Variants in ZNF646 observed in about 807,000 individuals in gnomAD.
ZNF646 encodes the protein zinc finger protein 646.
In ZNF646, 49 loss-of-function variants were observed where a neutral mutation model predicts 115.4. The ratio of observed to expected loss-of-function variants is 0.42; its 90% CI spans 0.34 to 0.54. ZNF646 has a LOEUF of 0.54. ZNF646 is among the 20% of genes least tolerant of loss of function. ZNF646 has a pLI of 0.04. For synonymous variants in ZNF646, 933 were observed against 939.0 expected (o/e 0.99, Z 0.12); for missense variants, 2,269 against 2,457.9 (o/e 0.92, Z 1.62).
Position 31,079,198 on chromosome 16 carries a change from C to T in ZNF646, c.2874C>T (p.His958=), listed in dbSNP as rs1228941900. 1.2e-6 allele frequency: 2 copies of T among 1,613,648 alleles called. No individual in the cohort carries two copies. Among genetic ancestry groups the T allele is most frequent in the South Asian group, 1.1e-5 (1 of 91,086 alleles). The change falls in exon 2 of 3, where the codon CAC becomes CAT. Residue 958 remains histidine (H), a synonymous_variant. Transcript: ENST00000300850. This position sits in a 1 kb window ranked among gnomAD's most constrained non-coding sequence, Gnocchi z 5.5. ...VEALDSAGYG[H]ICGCCGQTYD... ...CGCTGGACAGTGCAGGGTATGGGCA[C>T]ATCTGTGGCTGCTGTGGTCAGACCT...
At position 31,076,826 on chromosome 16, in the gene ZNF646, A is replaced by G; in HGVS notation, c.502A>G (p.Thr168Ala). 1 of 1,614,124 alleles carries G rather than the reference A, an allele frequency of 6.2e-7. No homozygotes were observed. Among genetic ancestry groups the G allele is most frequent in the Non-Finnish European group, 8.5e-7 (1 of 1,180,024 alleles). ...AASGTWEDLP[T>A]RQREGLASHP... is the part of the protein sequence containing the mutation. The stretch of plus-strand genomic sequence containing the variant: ...TTCGGGTACGTGGGAAGATCTGCCC[A>G]CCAGACAAAGAGAAGGCTTGGCAAG... The change falls in exon 2 of 3, where the codon ACC becomes GCC. Residue 168 changes from threonine to alanine, a missense_variant. This residue lies in a region of ZNF646 where 334 missense variants were observed against 323.5 expected (regional missense o/e 1.03). Transcript: ENST00000300850.
At chr16:31,081,749 G>C in intron 2 of ZNF646, 48 bp downstream of exon 2, 1 of 1,507,274 alleles carries the variant, frequency 6.6e-7, no homozygotes, top group Non-Finnish European at 8.9e-7. Context: ...ACAGTGGAGG[G>C]GGAAGTCCAG....
rs370035952 is a variant in ZNF646, at chr16:31,081,308, G to A, written c.4984G>A (p.Gly1662Arg). The change falls in exon 2 of 3, where the codon GGA becomes AGA. Residue 1662 changes from glycine to arginine, a missense_variant. Transcript: ENST00000300850. ...AGAGAGTGTGGAGAGAGCCAGGGGA[G>A]GACAAGCGGTGACGTCCATGGCGGC... is the stretch of plus-strand genomic sequence containing the variant. ...PGESVERARG[G>R]QAVTSMAAED... 18 of 1,613,708 alleles carry A rather than the reference G, an allele frequency of 1.1e-5. 1 individual carries two copies. The African/African-American group carries it at 1.3e-4, about 12-fold the overall frequency.
chr16:31,078,091 C>T lies in ZNF646; in HGVS notation c.1767C>T (p.Ser589=), dbSNP rs763683854. The part of the protein sequence containing the change: ...ICGLLFEDAE[S]LERHGLTHGA... ...GGCTGCTCTTTGAAGACGCTGAGAG[C>T]CTTGAACGTCATGGCCTGACTCATG... Residue 589 remains serine, a synonymous_variant, in exon 2 of 3, where the codon AGC becomes AGT. Coordinates refer to ENST00000300850, the MANE Select transcript of ZNF646 (RefSeq NM_014699.4). 1.2e-6 allele frequency: 2 copies of T among 1,614,184 alleles called. No homozygotes were observed. The highest frequency in any genetic ancestry group is 4.5e-5 in the East Asian group (2 of 44,890).
chr16:31,080,285 C>A lies in ZNF646; in HGVS notation c.3961C>A (p.His1321Asn). 6.2e-7 allele frequency: 1 copy of A among 1,612,964 alleles called. No homozygotes were observed. The highest frequency in any genetic ancestry group is 8.5e-7 in the Non-Finnish European group (1 of 1,179,786). The change falls in exon 2 of 3, where the codon CAC becomes AAC. Residue 1321 changes from histidine to asparagine, a missense_variant. Physicochemically the swap from His to Asn is moderately conservative, Grantham distance 68 (BLOSUM62 1). Coordinates refer to ENST00000300850, the MANE Select transcript of ZNF646 (RefSeq NM_014699.4). ...CAGCCTCCTGAACCACCGGCGCAGC[C>A]ACGAGACGGGCCAGTACAGCTGCCC... ...AGSLLNHRRS[H>N]ETGQYSCPTC...
chr16:31,083,539 G>C lies in ZNF646; in HGVS notation c.*447G>C. 1 of 1,419,702 alleles carries C rather than the reference G, an allele frequency of 7.0e-7. No homozygotes were observed. Among genetic ancestry groups the C allele is most frequent in the Non-Finnish European group, 9.2e-7 (1 of 1,083,774 alleles). The allele number at this position is 1,419,702 out of a possible 1,614,324, so 87.9% of individuals were successfully genotyped here. A position where few individuals can be genotyped will look rare whatever the true frequency, so the allele number is the denominator to read the frequency against. ...GTGGCTGGCGTGATTGTATCTGAAA[G>C]GGTAAAGGAGGAGGAAAGCTGAGAC... On this transcript the variant is annotated 3_prime_UTR_variant, in exon 3 of 3. Coordinates refer to ENST00000300850, the MANE Select transcript of ZNF646 (RefSeq NM_014699.4).
In ZNF646 at chr16:31,077,243, C is replaced by G; in HGVS notation, c.919C>G (p.Arg307Gly). The change falls in exon 2 of 3, where the codon CGG becomes GGG. Residue 307 changes from arginine to glycine, a missense_variant. By Grantham distance (125) the Arg-to-Gly change is moderately radical (BLOSUM62 -2). Coordinates refer to ENST00000300850, the MANE Select transcript of ZNF646 (RefSeq NM_014699.4). ...PHCPRVFRLP[R>G]ELLEHQQSHE... ...CTGCCCCCGTGTCTTCCGGCTCCCC[C>G]GGGAGCTGCTGGAACACCAGCAGTC... is the stretch of plus-strand genomic sequence containing the variant. 3.1e-6 allele frequency: 5 copies of G among 1,614,116 alleles called. No individual in the cohort carries two copies. Among genetic ancestry groups the G allele is most frequent in the South Asian group, 2.2e-5 (2 of 91,086 alleles).
At position 31,078,537 on chromosome 16, in the gene ZNF646, A is replaced by G. The variant is rs762683539; in HGVS notation, c.2213A>G (p.Lys738Arg). The G allele has an allele frequency of 5.1e-5, 81 of 1,599,790 alleles. No individual in the cohort carries two copies. Among genetic ancestry groups the G allele is most frequent in the Non-Finnish European group, 6.9e-5 (81 of 1,170,640 alleles). Residue 738 changes from lysine (K) to arginine (R), a missense_variant, in exon 2 of 3, where the codon AAA becomes AGA. Physicochemically the swap from Lys to Arg is conservative, Grantham distance 26. Coordinates refer to ENST00000300850, the MANE Select transcript of ZNF646 (RefSeq NM_014699.4). Reference sequence around the variant, plus strand: ...TTGCAGGCTGAATCTGAAGGGGACAAATGTGGGCTTGAGAGGGATGAGACC... The same window carrying G: ...TTGCAGGCTGAATCTGAAGGGGACAGATGTGGGCTTGAGAGGGATGAGACC... ...DCLQAESEGD[K>R]CGLERDETHF... is the part of the protein sequence containing the mutation.
At position 31,079,103 on chromosome 16, in the gene ZNF646, C is replaced by G; in HGVS notation, c.2779C>G (p.Pro927Ala). The change falls in exon 2 of 3, where the codon CCT (proline) becomes GCT (alanine). Residue 927 changes from proline (P) to alanine (A), a missense_variant. This residue lies in a region of ZNF646 where 852 missense variants were observed against 900.2 expected (regional missense o/e 0.95). Coordinates refer to ENST00000300850, the MANE Select transcript of ZNF646 (RefSeq NM_014699.4). The surrounding 1 kb of genome is among the most constrained non-coding windows in gnomAD (Gnocchi z 5.5). ...AGAGGAAGGAGTGGCAGAGGCAGCC[C>G]CTGCACGCAGTCCACCACTGCAGCT... is the stretch of plus-strand genomic sequence containing the variant. Reference protein sequence around the residue: ...GEEEGVAEAAPARSPPLQLSE... With the variant: ...GEEEGVAEAAAARSPPLQLSE... 1.3e-6 allele frequency: 2 copies of G among 1,583,486 alleles called. No homozygotes were observed. The highest frequency in any genetic ancestry group is 1.7e-6 in the Non-Finnish European group (2 of 1,161,804).
Position 31,078,847 on chromosome 16 carries a change from C to G in ZNF646, c.2523C>G (p.Pro841=). ...CCACTGGCCTGCTGAGCCACAGGCC[C>G]TGCCACCCACCAGGCATCTATCAGT... ...PHATGLLSHR[P]CHPPGIYQCS... The change falls in exon 2 of 3, where the codon CCC becomes CCG. Residue 841 remains proline, a synonymous_variant. Transcript: ENST00000300850. 1 of 1,614,052 alleles carries G rather than the reference C, an allele frequency of 6.2e-7. No homozygotes were observed. The highest frequency in any genetic ancestry group is 8.5e-7 in the Non-Finnish European group (1 of 1,180,038).
In ZNF646 at chr16:31,081,148, C is replaced by T. The variant is rs764114613; in HGVS notation, c.4824C>T (p.Ala1608=). The T allele has an allele frequency of 1.2e-6, 2 of 1,602,544 alleles. No individual in the cohort carries two copies. Among genetic ancestry groups the T allele is most frequent in the Admixed American group, 1.7e-5 (1 of 59,134 alleles). The change falls in exon 2 of 3, where the codon GCC becomes GCT. Residue 1608 remains alanine (A), a synonymous_variant. Transcript: ENST00000300850. ...TGGCCAGCCACCTGCAGGCTCATGCCCGGGGCCACAGCCAGGTGCCAGCCC... is the reference window on the plus strand; with the variant it reads ...TGGCCAGCCACCTGCAGGCTCATGCTCGGGGCCACAGCCAGGTGCCAGCCC... The part of the protein sequence containing the change: ...QELASHLQAH[A]RGHSQVPAQM...
chr16:31,080,026 C>A lies in ZNF646; in HGVS notation c.3702C>A (p.Ala1234=). Residue 1234 remains alanine (A), a synonymous_variant, in exon 2 of 3, where the codon GCC becomes GCA. Coordinates refer to ENST00000300850, the MANE Select transcript of ZNF646 (RefSeq NM_014699.4). ...SHQTGHFGCQ[A]CSKGFSNLMS... is the part of the protein sequence containing the mutation. ...AGACCGGCCACTTTGGCTGTCAGGC[C>A]TGCTCCAAGGGCTTCTCAAACCTCA... 6.2e-7 allele frequency: 1 copy of A among 1,607,046 alleles called. No individual in the cohort carries two copies.
chr16:31,077,524 C>T lies in ZNF646; in HGVS notation c.1200C>T (p.Val400=). The T allele has an allele frequency of 6.2e-7, 1 of 1,613,518 alleles. No homozygotes were observed. The highest frequency in any genetic ancestry group is 8.5e-7 in the Non-Finnish European group (1 of 1,179,870). ...INHRKSHQTG[V]YPCSLCSKQL... Reference sequence around the variant, plus strand: ...ATCGAAAGAGCCACCAGACAGGTGTCTACCCCTGCTCACTCTGTTCTAAGC... The same window carrying T: ...ATCGAAAGAGCCACCAGACAGGTGTTTACCCCTGCTCACTCTGTTCTAAGC... Residue 400 remains valine, a synonymous_variant, in exon 2 of 3, where the codon GTC becomes GTT. Transcript: ENST00000300850.
chr16:31,083,278 A>G lies in ZNF646; in HGVS notation c.*186A>G, dbSNP rs2057189391. ...GTGTTCCTCGCGTCCCTGTCCTTGA[A>G]GGACCTCCTTCCCCCAGCCTCATCA... On this transcript the variant is annotated 3_prime_UTR_variant, in exon 3 of 3. Coordinates refer to ENST00000300850, the MANE Select transcript of ZNF646 (RefSeq NM_014699.4). 9.8e-7 allele frequency: 1 copy of G among 1,023,060 alleles called. No individual in the cohort carries two copies. Among genetic ancestry groups the G allele is most frequent in the African/African-American group, 1.7e-5 (1 of 59,378 alleles). The allele number at this position is 1,023,060 out of a possible 1,614,324, so 63.4% of individuals were successfully genotyped here.
chr16:31,081,616 C>A lies in ZNF646; in HGVS notation c.5292C>A (p.Pro1764=), dbSNP rs758259532. The change falls in exon 2 of 3, where the codon CCC becomes CCA. Residue 1764 remains proline (P), a synonymous_variant. Coordinates refer to ENST00000300850, the MANE Select transcript of ZNF646 (RefSeq NM_014699.4). The part of the protein sequence containing the change: ...HAPREGPFTC[P]HCPRHFRRRI... ...CCCGGGAGGGGCCTTTCACCTGCCC[C>A]CATTGTCCCCGCCACTTCCGCCGCC... The A allele has an allele frequency of 3.1e-6, 5 of 1,603,948 alleles. No homozygotes were observed. The South Asian group carries it at 5.6e-5, about 18-fold the overall frequency.
Position 31,078,159 on chromosome 16 carries a change from C to CA in ZNF646, c.1836dup (p.Pro613ThrfsTer3). 1 of 1,614,056 alleles carries CA rather than the reference C, an allele frequency of 6.2e-7. No individual in the cohort carries two copies. The highest frequency in any genetic ancestry group is 8.5e-7 in the Non-Finnish European group (1 of 1,180,024). On this transcript the variant is annotated frameshift_variant, in exon 2 of 3. Transcript: ENST00000300850. LOFTEE classifies it high-confidence loss of function. ...AATAGCAGAACAGAGACCACAATGT[C>CA]ACCTCCTAGGGCCTTTGCCTGCCGA...
rs779960591 is a variant in ZNF646 at position 31,080,743 on chromosome 16, T to C, written c.4419T>C (p.Asn1473=). The stretch of plus-strand genomic sequence containing the variant: ...GGCCGGTAGGTGGGGGACTGGGGAA[T>C]CATAGTGGAGGCTGGGTTCCTCAGT... ...GGWPVGGGLG[N]HSGGWVPQFL... The change falls in exon 2 of 3, where the codon AAT becomes AAC. Residue 1473 remains asparagine (N), a synonymous_variant. Coordinates refer to ENST00000300850, the MANE Select transcript of ZNF646 (RefSeq NM_014699.4). 1.2e-6 allele frequency: 2 copies of C among 1,613,588 alleles called. No homozygotes were observed. The highest frequency in any genetic ancestry group is 2.2e-5 in the South Asian group (2 of 91,070).
chr16:31,080,885 A>G lies in ZNF646; in HGVS notation c.4561A>G (p.Asn1521Asp). 6.2e-7 allele frequency: 1 copy of G among 1,614,108 alleles called. No homozygotes were observed. The highest frequency in any genetic ancestry group is 8.5e-7 in the Non-Finnish European group (1 of 1,180,012). The change falls in exon 2 of 3, where the codon AAC becomes GAC. Residue 1521 changes from asparagine to aspartate, a missense_variant. By Grantham distance (23) the Asn-to-Asp change is conservative. This residue lies in a region of ZNF646 where 1,062 missense variants were observed against 1,172.8 expected (regional missense o/e 0.91). Transcript: ENST00000300850. ...SHMDSWDNRD[N>D]SSQLQPGSHS... ...CATGGATAGCTGGGACAACAGAGAC[A>G]ACAGCTCTCAGCTGCAGCCAGGGAG...
rs1010329692 is a variant in ZNF646 at position 31,083,974 on chromosome 16, A to G, written c.*882A>G. 2 of 1,500,770 alleles carry G rather than the reference A, an allele frequency of 1.3e-6. No homozygotes were observed. Among genetic ancestry groups the G allele is most frequent in the Admixed American group, 2.1e-5 (1 of 46,522 alleles). 93.0% of individuals were successfully genotyped at this position (1,500,770 alleles called of 1,614,324 possible). A position where few individuals can be genotyped will look rare whatever the true frequency, so the allele number is the denominator to read the frequency against. ...GCCTGCTCCAAGTCACACGATGACA[A>G]AGAACCAGAATCTGAATCAAATGGG... On this transcript the variant is annotated 3_prime_UTR_variant, in exon 3 of 3. Transcript: ENST00000300850.
Sources: gnomAD v4.1 joint callset for allele counts on GRCh38, gnomAD v4.1.1 for gene constraint, gnomAD v4.1.1 regional missense constraint, Gnocchi (gnomAD v3.1) non-coding constraint, MANE v1.5 for transcripts, NCBI Gene and HGNC (gene_info 2026-07-23, HGNC 2026-07-21) for gene names.